Variants in OPCML observed in about 807,000 individuals in gnomAD.
The protein encoded by OPCML is opioid binding protein/cell adhesion molecule like, also known as opioid-binding protein/cell adhesion molecule.
Under a neutral mutation model 37.8 loss-of-function variants are expected in OPCML, and 13 were observed. The observed-to-expected ratio is 0.34, with a 90% CI of 0.22 to 0.55. The LOEUF (loss-of-function observed/expected upper bound fraction) is 0.55. Among genes scored for constraint, OPCML ranks in the 20% least tolerant of loss-of-function variants. The pLI, the probability that OPCML is intolerant of heterozygous loss-of-function variation, is 0.91. For synonymous variants in OPCML, 176 were observed against 168.8 expected (o/e 1.04, Z -0.33); for missense variants, 341 against 435.6 (o/e 0.78, Z 1.93).
Position 132,507,701 on chromosome 11 carries a change from T to C in OPCML, c.505+21360A>G, listed in dbSNP as rs141324708. 6.6e-5 allele frequency among the ~76,000 whole-genome samples: 10 copies of C among 151,970 alleles called. No homozygotes were observed. The East Asian group carries it at 1.9e-3, about 29-fold the overall frequency. ...ATTTAAGGAATATAATTTTTAATTA[T>C]ATTTTAAACAATTCATAGTTCAAAT... is the stretch of plus-strand genomic sequence containing the variant. On this transcript the variant is annotated intron_variant, in intron 4 of 7. Transcript: ENST00000524381.
At chr11:133,224,771 A>G (rs1032709155) in intron 1 of OPCML, among the ~76,000 whole-genome samples, 26 of 152,272 alleles carry the variant, frequency 1.7e-4, no homozygotes, top group African/African-American at 6.0e-4. Context: ...GAGCAATGAA[A>G]GTACAAATGG....
Position 132,549,233 on chromosome 11 carries a change from A to C in OPCML, c.380-20047T>G, listed in dbSNP as rs548038573. ...CATTATACACTAATTATAATGCATT[A>C]GCATGCTAAAAGACACTCTGGCCAG... is the stretch of plus-strand genomic sequence containing the variant. On this transcript the variant is annotated intron_variant, in intron 3 of 7. Transcript: ENST00000524381. 9.2e-5 allele frequency among the ~76,000 whole-genome samples: 14 copies of C among 152,304 alleles called. No homozygotes were observed. In the South Asian group the frequency reaches 2.9e-3, roughly 32 times the overall value.
intron 1 of OPCML, among the ~76,000 whole-genome samples, chr11:133,075,850 G>C (rs941664274): frequency 6.6e-6 from 1 of 152,216 alleles, no homozygotes; most frequent in Non-Finnish European, 1.5e-5. Flanking sequence ...GTGGAAACAA[G>C]AAGGAATCTG....
intron 2 of OPCML, among the ~76,000 whole-genome samples, chr11:132,689,897 G>T (rs1943329892): frequency 6.6e-6 from 1 of 152,086 alleles, no homozygotes; most frequent in African/African-American, 2.4e-5. Context: ...ATTTGCCTTG[G>T]ACCATAAGTA....
intron 1 of OPCML, among the ~76,000 whole-genome samples, chr11:133,238,048 A>C (rs1940590243): frequency 6.6e-6 from 1 of 152,246 alleles, no homozygotes; most frequent in South Asian, 2.1e-4. Flanking sequence ...TTATAGATGG[A>C]GAGAGTGAAC....
intron 7 of OPCML, among the ~76,000 whole-genome samples, chr11:132,434,916 GT>G (rs1343763665): frequency 6.6e-6 from 1 of 152,126 alleles, no homozygotes; most frequent in African/African-American, 2.4e-5. Flanking sequence ...TAAGGTTCTT[GT>G]TTTGGGGGCA....
At chr11:132,595,397 G>C (rs766048381) in intron 3 of OPCML, among the ~76,000 whole-genome samples, 22 of 152,246 alleles carry the variant, frequency 1.4e-4, no homozygotes, top group African/African-American at 5.3e-4. Flanking sequence ...AAATCTGTGG[G>C]CAAGTTATTA....
intron 1 of OPCML, among the ~76,000 whole-genome samples, chr11:133,051,956 C>T (rs1315650754): frequency 6.6e-6 from 1 of 152,114 alleles, no homozygotes; most frequent in Non-Finnish European, 1.5e-5. Context: ...ACAGAGTCAG[C>T]GGGGAGGAGA....
At chr11:133,229,617 G>A (rs967564898) in intron 1 of OPCML, among the ~76,000 whole-genome samples, 1 of 151,890 alleles carries the variant, frequency 6.6e-6, no homozygotes, top group Admixed American at 6.6e-5. Context: ...TGTATGCTGA[G>A]GTTACCAAGA....
chr11:132,865,169 G>A (rs1395425054), intron 2 of OPCML, among the ~76,000 whole-genome samples: 1 of 152,196 alleles, frequency 6.6e-6, no homozygotes, highest in Non-Finnish European at 1.5e-5. Flanking sequence ...GGAATGAATA[G>A]ATTCACACAC....
chr11:133,345,740 C>T (rs1943985422), intron 1 of OPCML, among the ~76,000 whole-genome samples: 1 of 152,186 alleles, frequency 6.6e-6, no homozygotes, highest in Admixed American at 6.5e-5. Flanking sequence ...GAAGAAAGAG[C>T]TCTTCTGGTT....
At chr11:133,182,329 T>C (rs897314630) in intron 1 of OPCML, among the ~76,000 whole-genome samples, 2 of 152,210 alleles carry the variant, frequency 1.3e-5, no homozygotes, top group Non-Finnish European at 2.9e-5. Context: ...TAGAAAAACA[T>C]TGTAACCTTT....
rs147577945 is a variant in OPCML, at chr11:133,158,278, G to T, written c.62-215268C>A. 4.3e-3 allele frequency among the ~76,000 whole-genome samples: 659 copies of T among 152,150 alleles called. 2 individuals carry two copies. Among genetic ancestry groups the T allele is most frequent in the African/African-American group, 0.015 (627 of 41,488 alleles). On this transcript the variant is annotated intron_variant, in intron 1 of 7. Transcript: ENST00000524381. ...ATACCCAAAGATGGTTTGTGTTTCC[G>T]AACAAAATATAATGAGAGGCTTAGT...
At chr11:133,378,014 C>T (rs1489806067) in intron 1 of OPCML, among the ~76,000 whole-genome samples, 2 of 152,200 alleles carry the variant, frequency 1.3e-5, no homozygotes, top group Non-Finnish European at 2.9e-5. Context: ...GAGCTGAAAT[C>T]GGTCTTCCTG....
At chr11:132,427,824 G>A (rs148535644) in intron 7 of OPCML, among the ~76,000 whole-genome samples, 2 of 152,272 alleles carry the variant, frequency 1.3e-5, no homozygotes, top group African/African-American at 4.8e-5. Flanking sequence ...GGCGGGGTAC[G>A]AGCAAACCAC....
intron 1 of OPCML, among the ~76,000 whole-genome samples, chr11:133,433,433 C>G (rs986411611): frequency 6.6e-6 from 1 of 152,164 alleles, no homozygotes; most frequent in Admixed American, 6.5e-5. Flanking sequence ...ACTATGAGCA[C>G]TGACTTTTCT....
rs910887997 is a variant in OPCML, at chr11:133,208,036, C to T, written c.62-265026G>A. 3.3e-5 allele frequency among the ~76,000 whole-genome samples: 5 copies of T among 152,148 alleles called. No individual in the cohort carries two copies. The highest frequency in any genetic ancestry group is 9.7e-5 in the African/African-American group (4 of 41,436). On this transcript the variant is annotated intron_variant, in intron 1 of 7. Transcript: ENST00000524381. The surrounding 1 kb of genome is among the most constrained non-coding windows in gnomAD (Gnocchi z 8.9). Reference sequence around the variant, plus strand: ...AGAACTCAAACTGCATTTAACCACCCTAGGCAAGGTTAAGAGCTCCTTACT... The same window carrying T: ...AGAACTCAAACTGCATTTAACCACCTTAGGCAAGGTTAAGAGCTCCTTACT...
At chr11:133,004,741 G>A (rs2135631) in intron 1 of OPCML, 603,807 of 985,172 alleles carry the variant, frequency 0.61, 185,803 homozygotes, top group African/African-American at 0.77. Context: ...GGTTCACACC[G>A]GACGCGTGGA....
At chr11:132,801,604 A>G (rs1371426844) in intron 2 of OPCML, among the ~76,000 whole-genome samples, 1 of 152,236 alleles carries the variant, frequency 6.6e-6, no homozygotes, top group Admixed American at 6.5e-5. Flanking sequence ...GAATATTAGT[A>G]CTAAAAGAAA....
Sources: allele counts gnomAD v4.1 joint callset (sites outside exome capture counted in the v4.1 genomes callset), GRCh38; gene constraint gnomAD v4.1.1; non-coding constraint Gnocchi (gnomAD v3.1); transcripts MANE v1.5; gene names NCBI Gene and HGNC (gene_info 2026-07-23, HGNC 2026-07-21).